The following GOLM2 variants were observed in gnomAD, a reference collection of about 807,000 sequenced individuals.
GOLM2 encodes golgi membrane protein 2.
GOLM2 carries 26 observed loss-of-function variants against 55.9 expected under a neutral mutation model. The observed-to-expected ratio is 0.47, with a 90% CI of 0.34 to 0.65. The LOEUF (loss-of-function observed/expected upper bound fraction) is 0.65. Ranked by LOEUF, GOLM2 falls within the 30% of genes least tolerant of loss-of-function variation. The pLI is 0.01. For missense variants in GOLM2, 486 were observed against 531.8 expected (o/e 0.91, Z 0.85); for synonymous variants, 165 against 194.6 (o/e 0.85, Z 1.27).
In GOLM2 at chr15:44,289,087, G is replaced by A; in HGVS notation, c.58G>A (p.Val20Met). ...CCGCCTGCCCTCTCTCGTGCTGGTG[G>A]TGCTGCTGGTGGTGATCGTCGTCCT... ...AGRLPSLVLV[V>M]LLVVIVVLAF... Residue 20 changes from valine to methionine, a missense_variant, in exon 1 of 10, where the codon GTG becomes ATG. Physicochemically the swap from Val to Met is conservative, Grantham distance 21 (BLOSUM62 1). Transcript: ENST00000299957. The surrounding 1 kb of genome is among the most constrained non-coding windows in gnomAD (Gnocchi z 4.8). The A allele has an allele frequency of 1.2e-6, 2 of 1,614,150 alleles. No individual in the cohort carries two copies. Among genetic ancestry groups the A allele is most frequent in the Non-Finnish European group, 1.7e-6 (2 of 1,180,006 alleles).
intron 1 of GOLM2, among the ~76,000 whole-genome samples, chr15:44,299,864 G>A (rs1236794291): frequency 6.8e-6 from 1 of 147,996 alleles, no homozygotes; most frequent in Non-Finnish European, 1.5e-5. Flanking sequence ...CCAGCACTTT[G>A]GGTGGCTGAG....
chr15:44,293,008 G>A (rs570002861), intron 1 of GOLM2, among the ~76,000 whole-genome samples: 1 of 152,220 alleles, frequency 6.6e-6, no homozygotes, highest in East Asian at 1.9e-4. Context: ...AGAGATGAGG[G>A]TCTTATTATC....
chr15:44,366,879 G>A (rs1409112789), intron 6 of GOLM2, among the ~76,000 whole-genome samples: 1 of 151,898 alleles, frequency 6.6e-6, no homozygotes, highest in East Asian at 1.9e-4. Context: ...AAACAAAAAC[G>A]TTATGTTTTA....
intron 6 of GOLM2, among the ~76,000 whole-genome samples, chr15:44,375,093 C>T (rs2079355073): frequency 6.6e-6 from 1 of 152,164 alleles, no homozygotes; most frequent in South Asian, 2.1e-4. Context: ...TCTCGGCTCA[C>T]TGCAACCTCC....
intron 1 of GOLM2, among the ~76,000 whole-genome samples, chr15:44,299,093 C>G (rs1323463224): frequency 6.6e-6 from 1 of 152,136 alleles, no homozygotes; most frequent in Non-Finnish European, 1.5e-5. Context: ...GGAGCCTCCC[C>G]CTAGAGGCTC....
At chr15:44,393,124 A>G (rs1332275952) in intron 8 of GOLM2, among the ~76,000 whole-genome samples, 1 of 152,216 alleles carries the variant, frequency 6.6e-6, no homozygotes, top group Non-Finnish European at 1.5e-5. Context: ...ATATGATTTT[A>G]TATGTAGAAA....
chr15:44,405,641 C>T (rs1485404324), intron 9 of GOLM2, among the ~76,000 whole-genome samples: 4 of 150,996 alleles, frequency 2.6e-5, no homozygotes, highest in Admixed American at 6.6e-5. Flanking sequence ...TTTTTTGAGA[C>T]GGAGTCTCAC....
intron 1 of GOLM2, among the ~76,000 whole-genome samples, chr15:44,314,759 A>G (rs940072743): frequency 1.3e-5 from 2 of 152,188 alleles, no homozygotes; most frequent in Non-Finnish European, 2.9e-5. Context: ...CAGTAGTCAC[A>G]GACACAGACT....
chr15:44,315,399 C>T (rs1024432360), intron 1 of GOLM2, among the ~76,000 whole-genome samples: 1 of 152,140 alleles, frequency 6.6e-6, no homozygotes, highest in Non-Finnish European at 1.5e-5. Context: ...TTTCAAGGTT[C>T]CCCCAAATGG....
chr15:44,317,994 C>T (rs1441579777), intron 1 of GOLM2, among the ~76,000 whole-genome samples: 1 of 152,104 alleles, frequency 6.6e-6, no homozygotes, highest in Non-Finnish European at 1.5e-5. Flanking sequence ...TTAGTTTAGA[C>T]CAGAAATTGA....
At chr15:44,397,006 G>A (rs958535940) in intron 8 of GOLM2, among the ~76,000 whole-genome samples, 4 of 152,000 alleles carry the variant, frequency 2.6e-5, no homozygotes, top group Non-Finnish European at 4.4e-5. Context: ...ATATTCAAGC[G>A]CACAATTGAA....
intron 9 of GOLM2, 157 bp downstream of exon 9, chr15:44,403,211 G>A (rs974281579): frequency 1.3e-5 from 10 of 751,688 alleles, no homozygotes. Context: ...TGCCCAGGCT[G>A]GAGTCCAATG....
At chr15:44,320,191 ACTGT>A (rs1211649980) in intron 1 of GOLM2, among the ~76,000 whole-genome samples, 12 of 152,200 alleles carry the variant, frequency 7.9e-5, no homozygotes, top group African/African-American at 2.2e-4. Flanking sequence ...AACTTTTGTG[ACTGT>A]CTTTTTTCAT....
chr15:44,369,097 A>ACATAT (rs796198331), intron 6 of GOLM2, among the ~76,000 whole-genome samples: 19 of 91,196 alleles, frequency 2.1e-4, no homozygotes, highest in East Asian at 2.1e-3. Context: ...ATATATATAT[A>ACATAT]TATATATATA....
chr15:44,410,388 G>C (rs1023738905), intron 9 of GOLM2, among the ~76,000 whole-genome samples: 1 of 152,200 alleles, frequency 6.6e-6, no homozygotes, highest in African/African-American at 2.4e-5. Context: ...CTGAGATCGC[G>C]CCACTGCGCT....
At chr15:44,384,712 A>C (rs1441234596) in intron 8 of GOLM2, among the ~76,000 whole-genome samples, 2 of 151,124 alleles carry the variant, frequency 1.3e-5, no homozygotes, top group Non-Finnish European at 2.9e-5. Flanking sequence ...GCGCCACTGC[A>C]CTCCAGCCTG....
chr15:44,394,287 G>A (rs982529506), intron 8 of GOLM2, among the ~76,000 whole-genome samples: 4 of 152,148 alleles, frequency 2.6e-5, no homozygotes, highest in Non-Finnish European at 4.4e-5. Flanking sequence ...GAGCAACCAC[G>A]GAATACATTG....
intron 2 of GOLM2, among the ~76,000 whole-genome samples, chr15:44,327,530 G>A (rs1364118201): frequency 1.3e-5 from 2 of 152,022 alleles, no homozygotes; most frequent in Non-Finnish European, 2.9e-5. Context: ...TATAGTATTG[G>A]TACATTATGG....
chr15:44,310,356 G>A (rs1219355565), intron 1 of GOLM2, among the ~76,000 whole-genome samples: 1 of 151,596 alleles, frequency 6.6e-6, no homozygotes, highest in East Asian at 1.9e-4. Flanking sequence ...AAAAGACTTG[G>A]AAAGGCTGGG....
Sources: allele counts gnomAD v4.1 joint callset (sites outside exome capture counted in the v4.1 genomes callset), GRCh38; gene constraint gnomAD v4.1.1; non-coding constraint Gnocchi (gnomAD v3.1); transcripts MANE v1.5; gene names NCBI Gene and HGNC (gene_info 2026-07-23, HGNC 2026-07-21).